Variants in CNTN4 observed in about 807,000 individuals in gnomAD.
CNTN4 encodes contactin-4.
CNTN4 carries 77 observed loss-of-function variants against 122.5 expected under a neutral mutation model. The ratio of observed to expected loss-of-function variants is 0.63; its 90% CI spans 0.52 to 0.76. The LOEUF is 0.76. CNTN4 is among the 30% of genes least tolerant of loss of function. The pLI, the probability that CNTN4 is intolerant of heterozygous loss-of-function variation, is 0.00. For missense variants in CNTN4, 1,256 were observed against 1,259.1 expected (o/e 1.00, Z 0.04); for synonymous variants, 512 against 447.0 (o/e 1.15, Z -1.83).
intron 8 of CNTN4, among the ~76,000 whole-genome samples, chr3:2,879,153 C>G (rs965322584): frequency 3.3e-5 from 5 of 152,100 alleles, no homozygotes; most frequent in Non-Finnish European, 7.4e-5. Flanking sequence ...GGCCATAGAT[C>G]CAATATGACT....
chr3:2,283,296 C>G (rs1315747986), intron 2 of CNTN4, among the ~76,000 whole-genome samples: 1 of 151,954 alleles, frequency 6.6e-6, no homozygotes, highest in Admixed American at 6.6e-5. Flanking sequence ...CCATAATTGA[C>G]AAAATATTGC....
At chr3:2,693,847 C>A (rs1418689605) in intron 4 of CNTN4, among the ~76,000 whole-genome samples, 1 of 152,110 alleles carries the variant, frequency 6.6e-6, no homozygotes, top group Non-Finnish European at 1.5e-5. Context: ...AAGGGTATTT[C>A]CACTGCCTTC....
At chr3:2,783,936 A>G (rs962031372) in intron 6 of CNTN4, among the ~76,000 whole-genome samples, 1 of 152,220 alleles carries the variant, frequency 6.6e-6, no homozygotes, top group African/African-American at 2.4e-5. Context: ...TAAAGGTGCC[A>G]TGCATAATTC....
chr3:2,309,007 C>A (rs2042818884), intron 2 of CNTN4, among the ~76,000 whole-genome samples: 1 of 151,970 alleles, frequency 6.6e-6, no homozygotes, highest in African/African-American at 2.4e-5. Context: ...TCTTCTGGAT[C>A]CTTTTTGATC....
rs1469878935 is a variant in CNTN4 at position 2,916,622 on chromosome 3, A to C, written c.1208-9007A>C. Reference sequence around the variant, plus strand: ...CTTCTTTCTACACAGACACAGCAACAATCTGATTTCTCTTTCCTTTCCCCA... The same window carrying C: ...CTTCTTTCTACACAGACACAGCAACCATCTGATTTCTCTTTCCTTTCCCCA... On this transcript the variant is annotated intron_variant, in intron 12 of 24. Transcript: ENST00000418658. Among the ~76,000 whole-genome samples the C allele has an allele frequency of 1.2e-4, 15 of 122,718 alleles. 2 individuals are homozygous for C. Among genetic ancestry groups the C allele is most frequent in the Non-Finnish European group, 1.7e-4 (10 of 57,644 alleles). 80.5% of individuals were successfully genotyped at this position (122,718 alleles called of 152,430 possible).
At chr3:2,152,815 A>G (rs2035553750) in intron 2 of CNTN4, among the ~76,000 whole-genome samples, 1 of 152,100 alleles carries the variant, frequency 6.6e-6, no homozygotes, top group Admixed American at 6.5e-5. Context: ...GGGTACGGAA[A>G]TGTACTCCCA....
chr3:2,968,315 A>G lies in CNTN4; in HGVS notation c.1359-20030A>G, dbSNP rs904438031. Among the ~76,000 whole-genome samples, 10 of 152,300 alleles carry G rather than the reference A, an allele frequency of 6.6e-5. No individual in the cohort carries two copies. The East Asian group carries it at 1.9e-3, about 29-fold the overall frequency. ...TGGATGTATGCCTAAACAGCCAAAG[A>G]AGCGCATCAAAACCAAGGAAAAAAA... On this transcript the variant is annotated intron_variant, in intron 13 of 24. Coordinates refer to ENST00000418658, the MANE Select transcript of CNTN4 (RefSeq NM_175607.3).
intron 2 of CNTN4, among the ~76,000 whole-genome samples, chr3:2,336,495 T>C (rs2043959984): frequency 6.6e-6 from 1 of 152,180 alleles, no homozygotes; most frequent in African/African-American, 2.4e-5. Context: ...CACTTATTTG[T>C]CTGCCTCATT....
At chr3:2,564,680 C>G (rs1181881515) in intron 3 of CNTN4, among the ~76,000 whole-genome samples, 1 of 151,996 alleles carries the variant, frequency 6.6e-6, no homozygotes, top group East Asian at 1.9e-4. Flanking sequence ...TCCCAGTGAT[C>G]TTTTGAAATA....
intron 2 of CNTN4, among the ~76,000 whole-genome samples, chr3:2,193,361 C>T (rs1012001936): frequency 1.3e-5 from 2 of 151,056 alleles, no homozygotes; most frequent in African/African-American, 4.9e-5. Context: ...AAAAAAAAAG[C>T]CACTCCTGAT....
Position 2,345,199 on chromosome 3 carries a change from A to G in CNTN4, c.-89+5966A>G, listed in dbSNP as rs558201898. Among the ~76,000 whole-genome samples the G allele has an allele frequency of 5.3e-5, 8 of 152,316 alleles. No homozygotes were observed. The South Asian group carries it at 1.7e-3, about 32-fold the overall frequency. On this transcript the variant is annotated intron_variant, in intron 3 of 24. Transcript: ENST00000418658. Reference sequence around the variant, plus strand: ...CTGAATACAATTTAAGCTGCTGCCAATAAGAAAATAAGCCATTGCCTGAAA... The same window carrying G: ...CTGAATACAATTTAAGCTGCTGCCAGTAAGAAAATAAGCCATTGCCTGAAA...
intron 3 of CNTN4, among the ~76,000 whole-genome samples, chr3:2,532,511 CTG>C (rs2077635291): frequency 6.6e-6 from 1 of 152,092 alleles, no homozygotes; most frequent in African/African-American, 2.4e-5. Flanking sequence ...TCCCTAGACT[CTG>C]TATTTTTGAA....
chr3:2,717,491 G>A (rs2087568368), intron 4 of CNTN4, among the ~76,000 whole-genome samples: 1 of 152,172 alleles, frequency 6.6e-6, no homozygotes, highest in Non-Finnish European at 1.5e-5. Flanking sequence ...TCTTGCCTCT[G>A]ATTTCCTCCA....
chr3:2,195,213 A>G (rs1487943522), intron 2 of CNTN4, among the ~76,000 whole-genome samples: 2 of 152,242 alleles, frequency 1.3e-5, no homozygotes, highest in African/African-American at 2.4e-5. Context: ...TTAGCATGAC[A>G]TCCTCCAGAT....
At position 2,718,259 on chromosome 3, in the gene CNTN4, G is replaced by A. The variant is rs557246784; in HGVS notation, c.56-17956G>A. Reference sequence around the variant, plus strand: ...TTGGTTTTTTTTTTAACCCTTTAACGTTTGCTATGTTGATAGCATACTGAT... The same window carrying A: ...TTGGTTTTTTTTTTAACCCTTTAACATTTGCTATGTTGATAGCATACTGAT... On this transcript the variant is annotated intron_variant, in intron 4 of 24. Coordinates refer to ENST00000418658, the MANE Select transcript of CNTN4 (RefSeq NM_175607.3). Among the ~76,000 whole-genome samples the A allele has an allele frequency of 9.9e-5, 15 of 150,896 alleles. 1 individual carries two copies. In the Middle Eastern group the frequency reaches 0.01, roughly 104 times the overall value.
At chr3:2,256,866 A>G (rs1170546268) in intron 2 of CNTN4, among the ~76,000 whole-genome samples, 1 of 152,214 alleles carries the variant, frequency 6.6e-6, no homozygotes, top group African/African-American at 2.4e-5. Flanking sequence ...CATAAGGTAA[A>G]AGTAATTTAC....
chr3:3,000,779 C>A (rs1442654450), intron 14 of CNTN4, among the ~76,000 whole-genome samples: 1 of 152,036 alleles, frequency 6.6e-6, no homozygotes, highest in East Asian at 1.9e-4. Flanking sequence ...GGAAAACTTA[C>A]TTCTGCCCTA....
At chr3:2,253,670 C>T (rs944766555) in intron 2 of CNTN4, among the ~76,000 whole-genome samples, 3 of 150,940 alleles carry the variant, frequency 2.0e-5, no homozygotes, top group East Asian at 2.0e-4. Context: ...GAGACAGAGT[C>T]GCACTCTGTC....
chr3:2,857,157 G>T (rs1020526326), intron 7 of CNTN4, among the ~76,000 whole-genome samples: 16 of 152,168 alleles, frequency 1.1e-4, no homozygotes, highest in Non-Finnish European at 1.8e-4. Flanking sequence ...TGTATGAAGC[G>T]GGCATAAGTG....
Sources: allele counts gnomAD v4.1 joint callset (sites outside exome capture counted in the v4.1 genomes callset), GRCh38; gene constraint gnomAD v4.1.1; transcripts MANE v1.5; gene names NCBI Gene and HGNC (gene_info 2026-07-23, HGNC 2026-07-21).